The following MADD variants were observed in gnomAD, a reference collection of about 807,000 sequenced individuals.
MADD encodes the protein MAP kinase activating death domain.
In MADD, 109 loss-of-function variants were observed where a neutral mutation model predicts 176.7. That is an observed-to-expected ratio of 0.62 (90% CI 0.53 to 0.72). The LOEUF is 0.72. Ranked by LOEUF, MADD falls within the 30% of genes least tolerant of loss-of-function variation. MADD has a pLI of 0.00. For missense variants in MADD, 1,914 were observed against 2,045.5 expected, an observed-to-expected ratio of 0.94 and a Z score of 1.24; for synonymous variants, 771 against 771.3, an observed-to-expected ratio of 1.00 and a Z score of 0.01.
At chr11:47,328,169 A>T in intron 31 of MADD, 21 of 1,037,146 alleles carry the variant, frequency 2.0e-5, no homozygotes, top group Non-Finnish European at 2.4e-5. Flanking sequence ...CCCTCTGTGT[A>T]GGGGGCTGGG....
At position 47,275,356 on chromosome 11, in the gene MADD, A is replaced by G. The variant is rs41317296; in HGVS notation, c.659+197A>G. ...GCCCAGGCTGGAGTACAGTGGTGCG[A>G]TCTCGGCTCACTGCAACCCCTGCCT... On this transcript the variant is annotated intron_variant, in intron 3 of 32. Coordinates refer to ENST00000402192, the Ensembl canonical transcript of MADD. Among the ~76,000 whole-genome samples, 169 of 152,294 alleles carry G rather than the reference A, an allele frequency of 1.1e-3. 1 individual carries two copies. The highest frequency in any genetic ancestry group is 3.4e-3 in the Middle Eastern group (1 of 292).
chr11:47,294,701 C>T (rs1025918025), intron 20 of MADD, among the ~76,000 whole-genome samples: 2 of 141,896 alleles, frequency 1.4e-5, no homozygotes, highest in Admixed American at 7.0e-5. Flanking sequence ...AAATGAACAA[C>T]CTCAAAACAA....
At chr11:47,308,757 G>C (rs1048750453) in intron 23 of MADD, 58 bp downstream of exon 25, 1 of 1,404,378 alleles carries the variant, frequency 7.1e-7, no homozygotes, top group Non-Finnish European at 1.0e-6. Context: ...AGCCAGGGGA[G>C]AGGGTCACAC....
chr11:47,306,082 T>C (rs966708840), intron 22 of MADD, among the ~76,000 whole-genome samples: 1 of 152,130 alleles, frequency 6.6e-6, no homozygotes, highest in African/African-American at 2.4e-5. Flanking sequence ...GGGATACAGA[T>C]TGCTTCTTCA....
chr11:47,314,532 A>G (rs1422665914), intron 26 of MADD, among the ~76,000 whole-genome samples: 2 of 151,496 alleles, frequency 1.3e-5, no homozygotes, highest in African/African-American at 4.9e-5. Flanking sequence ...ACTTAAGCCC[A>G]GGAGTTCAGA....
At chr11:47,286,705 A>T (rs1159987198) in intron 15 of MADD, among the ~76,000 whole-genome samples, 171 bp downstream of exon 15, 1 of 152,152 alleles carries the variant, frequency 6.6e-6, no homozygotes, top group Non-Finnish European at 1.5e-5. Flanking sequence ...TGTCAGATGG[A>T]AACCATCTTT....
At chr11:47,308,834 A>C (rs2085392404) in intron 23 of MADD, 135 bp downstream of exon 25, 1 of 1,018,504 alleles carries the variant, frequency 9.8e-7, no homozygotes. Flanking sequence ...TTTATACCTG[A>C]AGCAAGCGAC....
At chr11:47,290,251 A>G (rs1483650989) in exon 18 of MADD, 2 of 1,614,164 alleles carry the variant, frequency 1.2e-6, no homozygotes, top group Non-Finnish European at 1.7e-6. Flanking sequence ...TGGCATGGCC[A>G]GCATCTTTGG....
At chr11:47,283,944 G>A (rs1416049382) in intron 10 of MADD, among the ~76,000 whole-genome samples, 2 of 152,244 alleles carry the variant, frequency 1.3e-5, no homozygotes, top group Non-Finnish European at 2.9e-5. Flanking sequence ...CAGACCTCAG[G>A]TGATCCACCC....
At chr11:47,273,276 C>G (rs905334960) in intron 1 of MADD, among the ~76,000 whole-genome samples, 1 of 152,126 alleles carries the variant, frequency 6.6e-6, no homozygotes, top group Admixed American at 6.5e-5. Context: ...AAACAGAGCC[C>G]CAGGCGTTAA....
rs12226522 is a variant in MADD at position 47,287,921 on chromosome 11, G to A, written c.2653+1387G>A. ...TTCTGCCTCAGCCTCCTGAGCAGCC[G>A]GGACTATAGGAGCCTGCCACCACGC... is the stretch of plus-strand genomic sequence containing the variant. On this transcript the variant is annotated intron_variant, in intron 15 of 32. Transcript: ENST00000402192. Among the ~76,000 whole-genome samples, 95 of 151,514 alleles carry A rather than the reference G, an allele frequency of 6.3e-4. No individual in the cohort carries two copies. The East Asian group carries it at 0.011, about 17-fold the overall frequency.
chr11:47,314,987 C>G (rs1173135790), intron 26 of MADD, among the ~76,000 whole-genome samples: 1 of 151,980 alleles, frequency 6.6e-6, no homozygotes, highest in African/African-American at 2.4e-5. Flanking sequence ...ATGTAAATAT[C>G]TATAAATATA....
In MADD at chr11:47,285,024, C is replaced by T. The variant is rs143711544; in HGVS notation, c.2241C>T (p.Gly747=). 1.1e-3 allele frequency: 1,746 copies of T among 1,614,012 alleles called. 2 individuals are homozygous for T. The highest frequency in any genetic ancestry group is 1.3e-3 in the Non-Finnish European group (1,593 of 1,180,050). Reference sequence around the variant, plus strand: ...TCCCTTCCGTGCCTCCCAGCATTGGCAAATCGAACGTGGACAGACGTCAGG... The same window carrying T: ...TCCCTTCCGTGCCTCCCAGCATTGGTAAATCGAACGTGGACAGACGTCAGG... Residue 747 remains glycine, a synonymous_variant, in exon 13 of 33, where the codon GGC becomes GGT. Coordinates refer to ENST00000402192, the Ensembl canonical transcript of MADD.
chr11:47,286,921 G>T (rs1310548606), intron 15 of MADD, among the ~76,000 whole-genome samples: 1 of 152,162 alleles, frequency 6.6e-6, no homozygotes, highest in Non-Finnish European at 1.5e-5. Flanking sequence ...TGGAGAGCCT[G>T]GCAGCGTTCA....
exon 7 of MADD, chr11:47,279,045 C>A (rs567993304): frequency 6.2e-7 from 1 of 1,614,034 alleles, no homozygotes; most frequent in Admixed American, 1.7e-5. Flanking sequence ...CTGCCAGAAC[C>A]AGAATCACTA....
In MADD at chr11:47,282,937, G is replaced by A. The variant is rs759108562; in HGVS notation, c.1830G>A (p.Glu610=). 4.3e-6 allele frequency: 7 copies of A among 1,613,850 alleles called. No individual in the cohort carries two copies. The South Asian group carries it at 7.7e-5, about 18-fold the overall frequency. The change falls in exon 10 of 33, where the codon GAG becomes GAA. Residue 610 remains glutamate (E), a synonymous_variant. Transcript: ENST00000402192. Reference sequence around the variant, plus strand: ...CTGAGGCCCTGAGTGTACCACCAGAGCGGGACTCTGACTCCGAACCTACTG... The same window carrying A: ...CTGAGGCCCTGAGTGTACCACCAGAACGGGACTCTGACTCCGAACCTACTG...
chr11:47,298,975 A>G (rs530769765), intron 22 of MADD, among the ~76,000 whole-genome samples: 1 of 152,312 alleles, frequency 6.6e-6, no homozygotes, highest in South Asian at 2.1e-4. Context: ...TCCTTTGTCA[A>G]AAAACAGTTG....
At chr11:47,322,121 C>T (rs1406754420) in intron 27 of MADD, among the ~76,000 whole-genome samples, 1 of 152,030 alleles carries the variant, frequency 6.6e-6, no homozygotes, top group Non-Finnish European at 1.5e-5. Flanking sequence ...CTCATTTAGT[C>T]TTCATAGTAA....
intron 27 of MADD, among the ~76,000 whole-genome samples, chr11:47,319,297 A>C (rs1406231002): frequency 6.6e-6 from 1 of 151,422 alleles, no homozygotes; most frequent in East Asian, 1.9e-4. Context: ...ACGCTTGGCT[A>C]ATTTTTGGTA....
Sources: gnomAD v4.1 joint callset for allele counts (sites outside exome capture counted in the v4.1 genomes callset) on GRCh38, gnomAD v4.1.1 for gene constraint, MANE v1.5 for transcripts, NCBI Gene and HGNC (gene_info 2026-07-23, HGNC 2026-07-21) for gene names.